Variants in KIF2C observed in about 807,000 individuals in gnomAD.
KIF2C encodes the protein kinesin-like protein KIF2C.
A neutral mutation model predicts 97.4 loss-of-function variants in KIF2C; 34 were observed. That is an observed-to-expected ratio of 0.35 (90% CI 0.27 to 0.46). KIF2C has a LOEUF of 0.46. KIF2C is among the 20% of genes least tolerant of loss of function. The pLI is 1.00. For missense variants in KIF2C, 750 were observed against 907.6 expected, an observed-to-expected ratio of 0.83 and a Z score of 2.23; for synonymous variants, 313 against 318.2, an observed-to-expected ratio of 0.98 and a Z score of 0.17.
chr1:44,761,790 T>G (rs1650159261), intron 16 of KIF2C, 126 bp from the exon 17 acceptor site: 2 of 852,616 alleles, frequency 2.3e-6, no homozygotes, highest in Admixed American at 3.7e-5. Flanking sequence ...AAATGACTCC[T>G]CCCACCAATA....
At position 44,760,770 on chromosome 1, in the gene KIF2C, G is replaced by C. The variant is rs1359161190; in HGVS notation, c.1683+68G>C. 7.8e-7 allele frequency: 1 copy of C among 1,289,116 alleles called. No homozygotes were observed. Among genetic ancestry groups the C allele is most frequent in the East Asian group, 2.3e-5 (1 of 42,836 alleles). The allele number at this position is 1,289,116 out of a possible 1,614,324, so 79.9% of individuals were successfully genotyped here. A position where few individuals can be genotyped will look rare whatever the true frequency, so the allele number is the denominator to read the frequency against. ...GAGTTGCTTTCCACAGAGACACTTA[G>C]TCCTGTCCCTGGGCTGGAAGCTCAG... is the stretch of plus-strand genomic sequence containing the variant. On this transcript the variant is annotated intron_variant, in intron 16 of 20. Coordinates refer to ENST00000372224, the MANE Select transcript of KIF2C (RefSeq NM_006845.4). This position sits in a 1 kb window ranked among gnomAD's most constrained non-coding sequence, Gnocchi z 4.2.
At chr1:44,756,863 C>G (rs72674017) in intron 10 of KIF2C, among the ~76,000 whole-genome samples, 22,386 of 150,926 alleles carry the variant, frequency 0.15, 2,093 homozygotes, top group Non-Finnish European at 0.2. Flanking sequence ...CAGATCTGCT[C>G]TTTCTAATAC....
At chr1:44,745,185 A>G (rs1258569618) in intron 2 of KIF2C, among the ~76,000 whole-genome samples, 10 of 149,690 alleles carry the variant, frequency 6.7e-5, no homozygotes, top group Non-Finnish European at 1.2e-4. Context: ...GTGAAACTCC[A>G]TCTCAAAAAA....
intron 16 of KIF2C, among the ~76,000 whole-genome samples, chr1:44,761,323 G>A (rs1650129051): frequency 6.6e-6 from 1 of 152,164 alleles, no homozygotes; most frequent in African/African-American, 2.4e-5. Context: ...ATAGGACCTT[G>A]GGCTGGGCGC....
At chr1:44,742,778 C>T (rs1029526488) in intron 2 of KIF2C, among the ~76,000 whole-genome samples, 2 of 151,578 alleles carry the variant, frequency 1.3e-5, no homozygotes, top group African/African-American at 4.9e-5. Context: ...ACTTTGCTTG[C>T]CCAAGCTAGG....
Position 44,741,023 on chromosome 1 carries a change from A to G in KIF2C, c.165+16A>G, listed in dbSNP as rs1386339525. 7 of 1,568,642 alleles carry G rather than the reference A, an allele frequency of 4.5e-6. No homozygotes were observed. The Admixed American group carries it at 8.4e-5, about 19-fold the overall frequency. ...GGGCAAAGAGGTAGGTTCTATGAGA[A>G]TTCCTCTACCACATTTAATGTCTTC... On this transcript the variant is annotated intron_variant, in intron 2 of 20. Transcript: ENST00000372224.
chr1:44,758,795 G>A (rs973538152), intron 13 of KIF2C, among the ~76,000 whole-genome samples: 4 of 152,178 alleles, frequency 2.6e-5, no homozygotes, highest in South Asian at 2.1e-4. Context: ...AGAATCGCTT[G>A]AATCCAGGAG....
Position 44,760,791 on chromosome 1 carries a change from C to T in KIF2C, c.1683+89C>T. The T allele has an allele frequency of 5.6e-6, 6 of 1,078,780 alleles. No individual in the cohort carries two copies. Among genetic ancestry groups the T allele is most frequent in the Non-Finnish European group, 7.0e-6 (5 of 718,824 alleles). The allele number at this position is 1,078,780 out of a possible 1,614,324, so 66.8% of individuals were successfully genotyped here. On this transcript the variant is annotated intron_variant, in intron 16 of 20. Coordinates refer to ENST00000372224, the MANE Select transcript of KIF2C (RefSeq NM_006845.4). This position sits in a 1 kb window ranked among gnomAD's most constrained non-coding sequence, Gnocchi z 4.2. ...CTTAGTCCTGTCCCTGGGCTGGAAG[C>T]TCAGCACTGCTGGCTGCCTGGGTTT... is the stretch of plus-strand genomic sequence containing the variant.
At chr1:44,752,615 A>G (rs1207742509) in intron 5 of KIF2C, among the ~76,000 whole-genome samples, 1 of 152,236 alleles carries the variant, frequency 6.6e-6, no homozygotes, top group Non-Finnish European at 1.5e-5. Flanking sequence ...CTCTAATACG[A>G]TGAAGGTAAA....
chr1:44,753,737 G>A lies in KIF2C; in HGVS notation c.567G>A (p.Arg189=). The change falls in exon 7 of 21, where the codon CGG becomes CGA. Residue 189 remains arginine, a synonymous_variant. Transcript: ENST00000372224. ...TTTTTTTTTATGTTTTCATAGTTCG[G>A]AGGAAATCATGTCTTGTGAAGGAAG... is the stretch of plus-strand genomic sequence containing the variant. The part of the protein sequence containing the change: ...SSSANPVNSV[R]RKSCLVKEVE... 1 of 1,596,800 alleles carries A rather than the reference G, an allele frequency of 6.3e-7. No homozygotes were observed. Among genetic ancestry groups the A allele is most frequent in the Non-Finnish European group, 8.5e-7 (1 of 1,171,236 alleles).
rs1233594734 is a variant in KIF2C at position 44,756,192 on chromosome 1, T to C, written c.932T>C (p.Phe311Ser). The stretch of plus-strand genomic sequence containing the variant: ...TATCTGGAGAACCAAGCATTCTGCT[T>C]TGACTTTGCATTTGATGAAACAGCT... ...TKYLENQAFC[F>S]DFAFDETASN... The change falls in exon 10 of 21, where the codon TTT becomes TCT. Residue 311 changes from phenylalanine (F) to serine (S), a missense_variant. By Grantham distance (155) the Phe-to-Ser change is radical. Coordinates refer to ENST00000372224, the MANE Select transcript of KIF2C (RefSeq NM_006845.4). The C allele has an allele frequency of 5.0e-6, 8 of 1,614,134 alleles. No individual in the cohort carries two copies. Among genetic ancestry groups the C allele is most frequent in the African/African-American group, 2.7e-5 (2 of 74,952 alleles).
intron 13 of KIF2C, chr1:44,758,890 T>C: frequency 4.1e-6 from 1 of 242,382 alleles, no homozygotes; most frequent in Non-Finnish European, 8.3e-6. Flanking sequence ...ATAATAATAA[T>C]AATAAGATAT....
chr1:44,758,428 C>T (rs1298607327), intron 13 of KIF2C, among the ~76,000 whole-genome samples: 5 of 152,110 alleles, frequency 3.3e-5, no homozygotes, highest in African/African-American at 4.8e-5. Context: ...CCTTCTTCCC[C>T]GATTGTGCAC....
chr1:44,759,642 C>T (rs1418737729), intron 14 of KIF2C, among the ~76,000 whole-genome samples: 2 of 152,038 alleles, frequency 1.3e-5, no homozygotes, highest in Admixed American at 6.6e-5. Context: ...GAGCTGTGAT[C>T]GCACCACTGC....
chr1:44,748,908 A>G (rs1424609334), intron 4 of KIF2C, among the ~76,000 whole-genome samples: 1 of 151,292 alleles, frequency 6.6e-6, no homozygotes, highest in African/African-American at 2.4e-5. Context: ...TTGAACTCCT[A>G]GCTTCAAGCA....
In KIF2C at chr1:44,753,784, G is replaced by GA; in HGVS notation, c.615dup (p.Glu206ArgfsTer9). 6.2e-7 allele frequency: 1 copy of GA among 1,612,540 alleles called. No homozygotes were observed. The highest frequency in any genetic ancestry group is 8.5e-7 in the Non-Finnish European group (1 of 1,179,402). ...GAAGTGGAAAAAATGAAGAACAAGC[G>GA]AGAAGAGAAGAAGGCCCAGAACTCT... On this transcript the variant is annotated frameshift_variant, in exon 7 of 21. Coordinates refer to ENST00000372224, the MANE Select transcript of KIF2C (RefSeq NM_006845.4). LOFTEE classifies it high-confidence loss of function.
intron 4 of KIF2C, among the ~76,000 whole-genome samples, chr1:44,748,224 C>G (rs1649323119): frequency 6.6e-6 from 1 of 152,142 alleles, no homozygotes; most frequent in African/African-American, 2.4e-5. Flanking sequence ...GACTGTGACT[C>G]TAGGGGGTAA....
intron 19 of KIF2C, among the ~76,000 whole-genome samples, chr1:44,763,457 A>G (rs1650273497): frequency 6.6e-6 from 1 of 152,132 alleles, no homozygotes; most frequent in African/African-American, 2.4e-5. Context: ...TTCAGGATGA[A>G]TGAGAGGCTC....
At position 44,748,166 on chromosome 1, in the gene KIF2C, GTC is replaced by G. The variant is rs556011265; in HGVS notation, c.316+472_316+473del. Among the ~76,000 whole-genome samples, 84 of 152,316 alleles carry G rather than the reference GTC, an allele frequency of 5.5e-4. 2 individuals are homozygous for G. The South Asian group carries it at 0.016, about 29-fold the overall frequency. ...TGCCTCGTGGTCTAGGAGGTTGGGA[GTC>G]TCTCTGCAGAAGTAGTCTGTGAAAA... is the stretch of plus-strand genomic sequence containing the variant. On this transcript the variant is annotated intron_variant, in intron 4 of 20. Coordinates refer to ENST00000372224, the MANE Select transcript of KIF2C (RefSeq NM_006845.4).
Sources: gnomAD v4.1 joint callset for allele counts (sites outside exome capture counted in the v4.1 genomes callset) on GRCh38, gnomAD v4.1.1 for gene constraint, Gnocchi (gnomAD v3.1) non-coding constraint, MANE v1.5 for transcripts, NCBI Gene and HGNC (gene_info 2026-07-23, HGNC 2026-07-21) for gene names.